Variants in CSMD1 observed in about 807,000 individuals in gnomAD.
The protein encoded by CSMD1 is CUB and sushi domain-containing protein 1.
Under a neutral mutation model 417.5 loss-of-function variants are expected in CSMD1, and 213 were observed. The ratio of observed to expected loss-of-function variants is 0.51; its 90% CI spans 0.46 to 0.57. CSMD1 has a LOEUF of 0.57. CSMD1 is among the 20% of genes least tolerant of loss of function. The probability of loss-of-function intolerance (pLI) is 0.00; values close to 1 mark genes in which losing one functional copy is unlikely to be tolerated. For synonymous variants in CSMD1, 2,862 were observed against 1,736.8 expected (o/e 1.65, Z -16.11); for missense variants, 6,923 against 4,529.7 (o/e 1.53, Z -15.17).
At chr8:3,360,951 C>G (rs933355623) in intron 20 of CSMD1, among the ~76,000 whole-genome samples, 1 of 151,566 alleles carries the variant, frequency 6.6e-6, no homozygotes, top group Non-Finnish European at 1.5e-5. Flanking sequence ...AACTCTGTAC[C>G]TAAACACTTC....
chr8:4,039,193 T>C (rs1053920238), intron 3 of CSMD1, among the ~76,000 whole-genome samples: 1 of 152,210 alleles, frequency 6.6e-6, no homozygotes, highest in Non-Finnish European at 1.5e-5. Flanking sequence ...ATCTGGAATC[T>C]AGGTCCCTTA....
At chr8:3,667,809 G>A (rs1798781758) in intron 7 of CSMD1, among the ~76,000 whole-genome samples, 1 of 152,124 alleles carries the variant, frequency 6.6e-6, no homozygotes, top group Non-Finnish European at 1.5e-5. Context: ...GAAGACCCAG[G>A]GCAAATTCAT....
At chr8:3,865,148 G>A (rs945204158) in intron 5 of CSMD1, among the ~76,000 whole-genome samples, 1 of 152,150 alleles carries the variant, frequency 6.6e-6, no homozygotes, top group Non-Finnish European at 1.5e-5. Context: ...GTGTGTTCCA[G>A]CTCAGGCTCC....
intron 5 of CSMD1, among the ~76,000 whole-genome samples, chr8:3,855,501 C>G (rs1049285269): frequency 9.2e-5 from 14 of 152,120 alleles, no homozygotes; most frequent in African/African-American, 3.4e-4. Context: ...GCTCATATGT[C>G]AAAAAACTTG....
Position 3,692,013 on chromosome 8 carries a change from G to A in CSMD1, c.1009+16401C>T, listed in dbSNP as rs372603625. On this transcript the variant is annotated intron_variant, in intron 7 of 69. Transcript: ENST00000635120. ...TCATGAGACAGGATGCTGGGCATCTGGTCTCATCATCAGCAGAGCCGTCAC... is the reference window on the plus strand; with the variant it reads ...TCATGAGACAGGATGCTGGGCATCTAGTCTCATCATCAGCAGAGCCGTCAC... Among the ~76,000 whole-genome samples the A allele has an allele frequency of 2.8e-4, 42 of 152,284 alleles. 2 individuals are homozygous for A. In the South Asian group the frequency reaches 8.7e-3, roughly 32 times the overall value.
intron 7 of CSMD1, among the ~76,000 whole-genome samples, chr8:3,670,178 A>C (rs965377405): frequency 1.3e-5 from 2 of 152,018 alleles, no homozygotes; most frequent in African/African-American, 4.8e-5. Context: ...CAGGGAAGGC[A>C]GACTTACACT....
chr8:3,852,703 C>T (rs1487727390), intron 5 of CSMD1, among the ~76,000 whole-genome samples: 4 of 151,916 alleles, frequency 2.6e-5, no homozygotes, highest in African/African-American at 4.8e-5. Context: ...CCTTTGGAGG[C>T]TGTGAGGGAC....
At chr8:4,420,136 G>A in intron 2 of CSMD1, 71 bp from the exon 3 acceptor site, 3 of 1,064,788 alleles carry the variant, frequency 2.8e-6, no homozygotes, top group South Asian at 2.7e-5. Context: ...ATTTGATGAA[G>A]TCACTGAATA....
At chr8:2,953,098 C>T (rs1802747606) in intron 65 of CSMD1, among the ~76,000 whole-genome samples, 1 of 151,888 alleles carries the variant, frequency 6.6e-6, no homozygotes, top group Non-Finnish European at 1.5e-5. Context: ...ACAAAATAAG[C>T]AAATAAAAAA....
chr8:4,660,008 A>G (rs1281899810), intron 1 of CSMD1, among the ~76,000 whole-genome samples: 1 of 151,834 alleles, frequency 6.6e-6, no homozygotes, highest in Non-Finnish European at 1.5e-5. Context: ...ACTTGTAACT[A>G]TAATTATACT....
intron 18 of CSMD1, among the ~76,000 whole-genome samples, chr8:3,386,861 A>C (rs1276721775): frequency 2.6e-5 from 4 of 152,232 alleles, no homozygotes; most frequent in African/African-American, 4.8e-5. Context: ...GATTACAAGC[A>C]ACATATTTAC....
At chr8:4,365,064 T>C (rs1415388669) in intron 3 of CSMD1, among the ~76,000 whole-genome samples, 1 of 152,220 alleles carries the variant, frequency 6.6e-6, no homozygotes. Flanking sequence ...ATTTTCCATA[T>C]TCATCAGTTG....
intron 10 of CSMD1, among the ~76,000 whole-genome samples, chr8:3,496,133 C>T (rs1447598564): frequency 2.0e-5 from 3 of 152,120 alleles, no homozygotes; most frequent in Non-Finnish European, 2.9e-5. Flanking sequence ...TGTTCAGCTC[C>T]CCTTTGTAAG....
intron 5 of CSMD1, among the ~76,000 whole-genome samples, chr8:3,920,053 G>C (rs868803063): frequency 6.6e-6 from 1 of 150,942 alleles, no homozygotes; most frequent in South Asian, 2.1e-4. Context: ...TCTTCCCCAA[G>C]ACAAGATCTC....
At chr8:4,722,648 A>T (rs796935619) in intron 1 of CSMD1, among the ~76,000 whole-genome samples, 8 of 152,176 alleles carry the variant, frequency 5.3e-5, no homozygotes, top group African/African-American at 1.7e-4. Context: ...TAGTCTCAGC[A>T]TCTCATTACT....
At chr8:3,784,384 T>C (rs1057287245) in intron 5 of CSMD1, among the ~76,000 whole-genome samples, 1 of 152,288 alleles carries the variant, frequency 6.6e-6, no homozygotes, top group East Asian at 1.9e-4. Context: ...AATCACACGA[T>C]TCTTCAGCCC....
chr8:4,349,696 A>T (rs1198027473), intron 3 of CSMD1, among the ~76,000 whole-genome samples: 1 of 152,180 alleles, frequency 6.6e-6, no homozygotes, highest in Non-Finnish European at 1.5e-5. Context: ...TTTCTATCAT[A>T]CCTATAAATA....
intron 1 of CSMD1, among the ~76,000 whole-genome samples, chr8:4,723,054 T>C (rs371395237): frequency 2.0e-5 from 3 of 152,112 alleles, no homozygotes; most frequent in Admixed American, 6.6e-5. Context: ...ACAGTATTGA[T>C]CTCCTTTCAA....
At chr8:3,622,695 A>T (rs1314550695) in intron 7 of CSMD1, among the ~76,000 whole-genome samples, 1 of 152,244 alleles carries the variant, frequency 6.6e-6, no homozygotes, top group Non-Finnish European at 1.5e-5. Flanking sequence ...ATTTTCTGAA[A>T]CAGAGGGAGT....
Sources: gnomAD v4.1 joint callset for allele counts (sites outside exome capture counted in the v4.1 genomes callset) on GRCh38, gnomAD v4.1.1 for gene constraint, MANE v1.5 for transcripts, NCBI Gene and HGNC (gene_info 2026-07-23, HGNC 2026-07-21) for gene names.